Variants in SYT9 observed in about 807,000 individuals in gnomAD.
SYT9 encodes synaptotagmin 9.
A neutral mutation model predicts 48.4 loss-of-function variants in SYT9; 22 were observed. The observed-to-expected ratio is 0.45, with a 90% CI of 0.32 to 0.65. The LOEUF (loss-of-function observed/expected upper bound fraction) is 0.65, where lower values mean the gene tolerates loss of function less well. Ranked by LOEUF, SYT9 falls within the 30% of genes least tolerant of loss-of-function variation. The pLI is 0.03. For missense variants in SYT9, 577 were observed against 622.0 expected (o/e 0.93, Z 0.77); for synonymous variants, 265 against 245.0 (o/e 1.08, Z -0.76).
intron 1 of SYT9, among the ~76,000 whole-genome samples, chr11:7,283,154 T>C: frequency 6.8e-6 from 1 of 146,654 alleles, no homozygotes; most frequent in South Asian, 2.1e-4. Flanking sequence ...TGTGTATATA[T>C]ATATATATAT....
chr11:7,281,951 G>A (rs1179765826), intron 1 of SYT9, among the ~76,000 whole-genome samples: 1 of 152,160 alleles, frequency 6.6e-6, no homozygotes, highest in African/African-American at 2.4e-5. Context: ...AGTATTTTCT[G>A]TACTGACCTT....
intron 3 of SYT9, among the ~76,000 whole-genome samples, chr11:7,388,620 A>T (rs962751196): frequency 3.3e-5 from 5 of 152,188 alleles, no homozygotes; most frequent in African/African-American, 1.2e-4. Context: ...TAAAGCTAAA[A>T]TATTTCTCAA....
Position 7,380,775 on chromosome 11 carries a change from C to T in SYT9, c.1045-35267C>T, listed in dbSNP as rs544632355. 7.8e-4 allele frequency among the ~76,000 whole-genome samples: 118 copies of T among 152,232 alleles called. 1 individual carries two copies. The highest frequency in any genetic ancestry group is 2.6e-3 in the African/African-American group (110 of 41,558). On this transcript the variant is annotated intron_variant, in intron 3 of 6. Coordinates refer to ENST00000318881, the MANE Select transcript of SYT9 (RefSeq NM_175733.4). ...CAAAATGAGTTTCTGGTAGCCATAT[C>T]GCATTTTGATTCAAAATAAGACTAA...
intron 6 of SYT9, chr11:7,457,017 A>G (rs1169560185): frequency 6.6e-6 from 1 of 152,220 alleles, no homozygotes; most frequent in Non-Finnish European, 1.5e-5. Flanking sequence ...ACTGCCCTTC[A>G]TTCTGAACAA....
chr11:7,377,756 A>G (rs1022713031), intron 3 of SYT9, among the ~76,000 whole-genome samples: 12 of 152,094 alleles, frequency 7.9e-5, no homozygotes, highest in African/African-American at 2.7e-4. Flanking sequence ...GAATATGGCC[A>G]CTTCCCTCTT....
intron 3 of SYT9, among the ~76,000 whole-genome samples, chr11:7,394,015 G>A (rs1258820012): frequency 2.0e-5 from 3 of 150,844 alleles, no homozygotes; most frequent in Admixed American, 1.3e-4. Context: ...CAACGTGCAG[G>A]CTTGTTACAT....
At chr11:7,348,979 G>GA (rs1849856494) in intron 3 of SYT9, among the ~76,000 whole-genome samples, 1 of 151,952 alleles carries the variant, frequency 6.6e-6, no homozygotes, top group African/African-American at 2.4e-5. Flanking sequence ...CTGGGGGTGG[G>GA]AAGATGGCTG....
chr11:7,425,321 A>C (rs1200509045), intron 6 of SYT9, among the ~76,000 whole-genome samples: 1 of 152,236 alleles, frequency 6.6e-6, no homozygotes, highest in African/African-American at 2.4e-5. Context: ...TGTTTCCCAA[A>C]GGAATTTAAA....
At chr11:7,296,364 T>G (rs1456493089) in intron 1 of SYT9, among the ~76,000 whole-genome samples, 3 of 152,218 alleles carry the variant, frequency 2.0e-5, no homozygotes, top group African/African-American at 7.2e-5. Context: ...CCAGACAACT[T>G]AAGTTCAATC....
chr11:7,266,578 T>C (rs79895791), intron 1 of SYT9, among the ~76,000 whole-genome samples: 1,775 of 152,266 alleles, frequency 0.012, 28 homozygotes, highest in African/African-American at 0.038. Flanking sequence ...ACTGCAGCTC[T>C]TTTCGATTGC....
Position 7,313,970 on chromosome 11 carries a change from G to T in SYT9, c.1044+29G>T. ...AGTCCAGCATTTCTTCATTTTTGTGGTGGGGGGCATCTTGGTTAGCAAGGA... is the reference window on the plus strand; with the variant it reads ...AGTCCAGCATTTCTTCATTTTTGTGTTGGGGGGCATCTTGGTTAGCAAGGA... On this transcript the variant is annotated intron_variant, in intron 3 of 6. Transcript: ENST00000318881. 2 of 1,589,068 alleles carry T rather than the reference G, an allele frequency of 1.3e-6. 1 individual carries two copies. The highest frequency in any genetic ancestry group is 1.7e-6 in the Non-Finnish European group (2 of 1,170,930).
chr11:7,241,242 A>G (rs1361899773), intron 1 of SYT9, among the ~76,000 whole-genome samples: 1 of 147,178 alleles, frequency 6.8e-6, no homozygotes, highest in Non-Finnish European at 1.5e-5. Context: ...ACACACGCAC[A>G]CACTCACCCC....
At chr11:7,453,036 C>T (rs1439269595) in intron 6 of SYT9, among the ~76,000 whole-genome samples, 1 of 151,976 alleles carries the variant, frequency 6.6e-6, no homozygotes, top group African/African-American at 2.4e-5. Context: ...CCTGCCTCGG[C>T]CTCCCAAAGT....
chr11:7,413,203 C>T (rs911627775), intron 3 of SYT9, among the ~76,000 whole-genome samples: 11 of 152,160 alleles, frequency 7.2e-5, no homozygotes, highest in African/African-American at 2.4e-4. Flanking sequence ...ATGCCTCAGT[C>T]CCCCAGCAGC....
At chr11:7,437,484 GC>G (rs1847733113) in intron 6 of SYT9, 1 of 152,036 alleles carries the variant, frequency 6.6e-6, no homozygotes, top group Non-Finnish European at 1.5e-5. Flanking sequence ...CCCATAATGG[GC>G]CACTGCCCAT....
chr11:7,398,412 C>T (rs1589997486), intron 3 of SYT9, among the ~76,000 whole-genome samples: 2 of 125,850 alleles, frequency 1.6e-5, no homozygotes, highest in Non-Finnish European at 3.5e-5. Context: ...GTTTTCTTTT[C>T]TTTTTTTTTT....
At chr11:7,254,414 A>C (rs1001098290) in intron 1 of SYT9, among the ~76,000 whole-genome samples, 1 of 152,178 alleles carries the variant, frequency 6.6e-6, no homozygotes, top group Admixed American at 6.5e-5. Context: ...CTTCATTTCC[A>C]AATCTCCCTT....
intron 3 of SYT9, among the ~76,000 whole-genome samples, chr11:7,380,304 G>A (rs1850537444): frequency 6.6e-6 from 1 of 152,042 alleles, no homozygotes; most frequent in Non-Finnish European, 1.5e-5. Flanking sequence ...TGAGGGGCTG[G>A]GGGAGTGTGG....
At chr11:7,423,645 T>G (rs1184487172) in intron 6 of SYT9, among the ~76,000 whole-genome samples, 2 of 152,174 alleles carry the variant, frequency 1.3e-5, no homozygotes, top group Non-Finnish European at 2.9e-5. Context: ...TGCCCCACAT[T>G]CTGAGGGGCT....
Sources: gnomAD v4.1 joint callset for allele counts (sites outside exome capture counted in the v4.1 genomes callset) on GRCh38, gnomAD v4.1.1 for gene constraint, MANE v1.5 for transcripts, NCBI Gene and HGNC (gene_info 2026-07-23, HGNC 2026-07-21) for gene names.